WDR33: variants seen among roughly 807,000 people sequenced by gnomAD.
WDR33 encodes pre-mRNA 3' end processing protein WDR33.
WDR33 carries 47 observed loss-of-function variants against 164.9 expected under a neutral mutation model. That is an observed-to-expected ratio of 0.29 (90% CI 0.23 to 0.36). The LOEUF (loss-of-function observed/expected upper bound fraction) is 0.36. WDR33 is among the 10% of genes least tolerant of loss of function. WDR33 has a pLI of 1.00. For synonymous variants in WDR33, 505 were observed against 589.0 expected, an observed-to-expected ratio of 0.86 and a Z score of 2.06; for missense variants, 1,137 against 1,754.1, an observed-to-expected ratio of 0.65 and a Z score of 6.28.
Position 127,716,175 on chromosome 2 carries a change from T to A in WDR33, c.2869+980A>T, listed in dbSNP as rs1354072858. On this transcript the variant is annotated intron_variant, in intron 17 of 21. Transcript: ENST00000322313. This position sits in a 1 kb window ranked among gnomAD's most constrained non-coding sequence, Gnocchi z 4.5. Reference sequence around the variant, plus strand: ...AAATAAACACTCTCTAGTTCCCTTATCTCTTTCTTACCTCTAATATCACAC... The same window carrying A: ...AAATAAACACTCTCTAGTTCCCTTAACTCTTTCTTACCTCTAATATCACAC... 1.3e-5 allele frequency among the ~76,000 whole-genome samples: 2 copies of A among 152,180 alleles called. No homozygotes were observed. Among genetic ancestry groups the A allele is most frequent in the Non-Finnish European group, 2.9e-5 (2 of 68,038 alleles).
At chr2:127,800,017 G>A (rs1453870420) in intron 1 of WDR33, among the ~76,000 whole-genome samples, 2 of 152,176 alleles carry the variant, frequency 1.3e-5, no homozygotes, top group African/African-American at 4.8e-5. Context: ...ACCCTCATGA[G>A]AAGTCCATCT....
chr2:127,808,308 T>C (rs554633914), intron 1 of WDR33, among the ~76,000 whole-genome samples: 2 of 152,260 alleles, frequency 1.3e-5, no homozygotes, highest in East Asian at 1.9e-4. Flanking sequence ...TGACCCAATA[T>C]AAAAAAGGTA....
At position 127,714,001 on chromosome 2, in the gene WDR33, T is replaced by C; in HGVS notation, c.2890A>G (p.Asn964Asp). Reference protein sequence around the residue: ...PNKGDSRGPPNHHMGPMSERR... With the variant: ...PNKGDSRGPPDHHMGPMSERR... The stretch of plus-strand genomic sequence containing the variant: ...TCTGACATCGGGCCCATGTGATGGT[T>C]TGGAGGGCCGCGGGAGTCACCTAAA... Residue 964 changes from asparagine (N) to aspartate (D), a missense_variant, in exon 18 of 22, where the codon AAC becomes GAC. Transcript: ENST00000322313. The surrounding 1 kb of genome is among the most constrained non-coding windows in gnomAD (Gnocchi z 4.3). 6.6e-7 allele frequency: 1 copy of C among 1,526,486 alleles called. No homozygotes were observed. The highest frequency in any genetic ancestry group is 2.3e-5 in the East Asian group (1 of 44,256). The allele number at this position is 1,526,486 out of a possible 1,614,324, so 94.6% of individuals were successfully genotyped here.
intron 1 of WDR33, among the ~76,000 whole-genome samples, chr2:127,779,029 G>A (rs1426379751): frequency 1.3e-5 from 2 of 151,976 alleles, no homozygotes; most frequent in African/African-American, 4.8e-5. Context: ...GGGGTAGAGC[G>A]AGGCTCTGGC....
chr2:127,758,440 C>T (rs1431973070), intron 7 of WDR33, among the ~76,000 whole-genome samples: 1 of 152,132 alleles, frequency 6.6e-6, no homozygotes, highest in African/African-American at 2.4e-5. Flanking sequence ...CCTTGGTTTA[C>T]TCATTTGTAA....
At chr2:127,766,407 A>C in intron 4 of WDR33, among the ~76,000 whole-genome samples, 1 of 152,198 alleles carries the variant, frequency 6.6e-6, no homozygotes, top group East Asian at 1.9e-4. Flanking sequence ...TTTGATTATC[A>C]GATTAAAAGC....
Position 127,724,863 on chromosome 2 carries a change from C to G in WDR33, c.1085+24G>C. The G allele has an allele frequency of 6.2e-7, 1 of 1,613,134 alleles. No homozygotes were observed. The highest frequency in any genetic ancestry group is 8.5e-7 in the Non-Finnish European group (1 of 1,179,142). ...CGTGCTCTCTTCACAAAATACACTA[C>G]TTTTTCACATAAATCTTACATACCC... On this transcript the variant is annotated intron_variant, in intron 10 of 21. Transcript: ENST00000322313. The surrounding 1 kb of genome is among the most constrained non-coding windows in gnomAD (Gnocchi z 4.8).
Position 127,769,005 on chromosome 2 carries a change from T to TTAAATAAA in WDR33, c.205-12_205-5dup, listed in dbSNP as rs143186338. The TTAAATAAA allele has an allele frequency of 0.12, 109,956 of 908,178 alleles. 7,989 individuals carry two copies. Among genetic ancestry groups the TTAAATAAA allele is most frequent in the African/African-American group, 0.17 (9,821 of 57,208 alleles). 56.3% of individuals were successfully genotyped at this position (908,178 alleles called of 1,614,324 possible). A position where few individuals can be genotyped will look rare whatever the true frequency, so the allele number is the denominator to read the frequency against. On this transcript the variant is annotated splice_region_variant and splice_polypyrimidine_tract_variant and intron_variant, in intron 2 of 21. Coordinates refer to ENST00000322313, the MANE Select transcript of WDR33 (RefSeq NM_018383.5). Reference sequence around the variant, plus strand: ...GGTCTCTTTGCCATATTCTGTTCTGTTAAATAAATAAATAAATAAATAAAT... The same window carrying TTAAATAAA: ...GGTCTCTTTGCCATATTCTGTTCTGTTAAATAAATAAATAAATAAATAAATAAATAAAT...
At chr2:127,737,138 A>T in intron 7 of WDR33, 1 of 985,430 alleles carries the variant, frequency 1.0e-6, no homozygotes, top group Non-Finnish European at 1.2e-6. Context: ...ATTTTTTTAA[A>T]GGCTACTTTG....
Position 127,764,881 on chromosome 2 carries a change from G to A in WDR33, c.573C>T (p.Asn191=). ...CCTGGAACATCTTGACGTTGTTCAT[G>A]TTCGACTGCCAATATTTCACATATC... The part of the protein sequence containing the change: ...HGGYVKYWQS[N]MNNVKMFQAH... Residue 191 remains asparagine, a synonymous_variant, in exon 6 of 22, where the codon AAC becomes AAT. Coordinates refer to ENST00000322313, the MANE Select transcript of WDR33 (RefSeq NM_018383.5). The surrounding 1 kb of genome is among the most constrained non-coding windows in gnomAD (Gnocchi z 6.2). 6.2e-7 allele frequency: 1 copy of A among 1,614,140 alleles called. No homozygotes were observed. The highest frequency in any genetic ancestry group is 1.1e-5 in the South Asian group (1 of 91,080).
At chr2:127,751,876 G>GT in intron 7 of WDR33, among the ~76,000 whole-genome samples, 1 of 152,200 alleles carries the variant, frequency 6.6e-6, no homozygotes, top group South Asian at 2.1e-4. Context: ...TATGTCACAG[G>GT]TAAGGTTTCG....
chr2:127,785,396 G>A (rs1457400021), intron 1 of WDR33, among the ~76,000 whole-genome samples: 1 of 152,166 alleles, frequency 6.6e-6, no homozygotes, highest in Non-Finnish European at 1.5e-5. Context: ...TTTCTCTTGA[G>A]TTGTGACAAA....
chr2:127,715,088 CTTTTTTTTTTT>C (rs386391178), intron 17 of WDR33, among the ~76,000 whole-genome samples: 4 of 108,572 alleles, frequency 3.7e-5, no homozygotes, highest in South Asian at 3.4e-4. Flanking sequence ...TTCTTTGTTT[CTTTTTTTTTTT>C]TTTTTTTTTT....
chr2:127,811,043 C>T lies in WDR33; in HGVS notation c.-55G>A, dbSNP rs1198011976. The stretch of plus-strand genomic sequence containing the variant: ...GCTTTGAGCAGAGCTCCTAAATGGC[C>T]AGCGAAGCGTTCGCCTTCAGAGCCA... On this transcript the variant is annotated 5_prime_UTR_variant, in exon 1 of 22. Transcript: ENST00000322313. The surrounding 1 kb of genome is among the most constrained non-coding windows in gnomAD (Gnocchi z 4.1). The T allele has an allele frequency of 2.6e-5, 4 of 152,714 alleles. No individual in the cohort carries two copies. Among genetic ancestry groups the T allele is most frequent in the Admixed American group, 1.3e-4 (2 of 15,290 alleles). 9.5% of individuals were successfully genotyped at this position (152,714 alleles called of 1,614,324 possible). A position where few individuals can be genotyped will look rare whatever the true frequency, so the allele number is the denominator to read the frequency against.
At chr2:127,781,242 C>G (rs1688358541) in intron 1 of WDR33, among the ~76,000 whole-genome samples, 1 of 152,196 alleles carries the variant, frequency 6.6e-6, no homozygotes. Context: ...CAAGAGATTG[C>G]ATATTGTACG....
At chr2:127,809,564 T>C (rs763620067) in intron 1 of WDR33, among the ~76,000 whole-genome samples, 5 of 151,192 alleles carry the variant, frequency 3.3e-5, no homozygotes, top group South Asian at 2.1e-4. Context: ...GCCTCCCGAG[T>C]AGCTGGGATT....
At chr2:127,711,772 ATATATATATT>A (rs1449802227) in intron 18 of WDR33, among the ~76,000 whole-genome samples, 4 of 87,742 alleles carry the variant, frequency 4.6e-5, no homozygotes, top group Admixed American at 1.1e-4. Context: ...ATATATATAT[ATATATATATT>A]TTTTTTTTGA....
chr2:127,706,598 G>GT lies in WDR33; in HGVS notation c.3782-47dup. 6.5e-7 allele frequency: 1 copy of GT among 1,538,106 alleles called. No individual in the cohort carries two copies. Among genetic ancestry groups the GT allele is most frequent in the East Asian group, 2.3e-5 (1 of 44,002 alleles). On this transcript the variant is annotated intron_variant, in intron 21 of 21. Transcript: ENST00000322313. The surrounding 1 kb of genome is among the most constrained non-coding windows in gnomAD (Gnocchi z 5.1). ...CATGGGACTTTTTGTATTAGCAACT[G>GT]TTTGTCAGTAACTCCCAGTACAAAC...
At chr2:127,810,424 G>A (rs549205358) in intron 1 of WDR33, among the ~76,000 whole-genome samples, 9 of 152,296 alleles carry the variant, frequency 5.9e-5, no homozygotes, top group Non-Finnish European at 8.8e-5. Context: ...AAGAAGGCAT[G>A]CTAAGATCCT....
Sources: gnomAD v4.1 joint callset for allele counts (sites outside exome capture counted in the v4.1 genomes callset) on GRCh38, gnomAD v4.1.1 for gene constraint, Gnocchi (gnomAD v3.1) non-coding constraint, MANE v1.5 for transcripts, NCBI Gene and HGNC (gene_info 2026-07-23, HGNC 2026-07-21) for gene names.